Variants in CTNNA2 observed in about 807,000 individuals in gnomAD.
CTNNA2 encodes the protein catenin alpha 2, also known as catenin alpha-2.
Under a neutral mutation model 101.0 loss-of-function variants are expected in CTNNA2, and 42 were observed. The ratio of observed to expected loss-of-function variants is 0.42; its 90% CI spans 0.32 to 0.54. CTNNA2 has a LOEUF of 0.54. CTNNA2 is among the 20% of genes least tolerant of loss of function. CTNNA2 has a pLI of 0.14. For synonymous variants in CTNNA2, 450 were observed against 456.4 expected (o/e 0.99, Z 0.18); for missense variants, 871 against 1,223.1 (o/e 0.71, Z 4.29).
intron 7 of CTNNA2, among the ~76,000 whole-genome samples, chr2:79,953,339 G>T (rs568683826): frequency 6.6e-6 from 1 of 152,154 alleles, no homozygotes; most frequent in Non-Finnish European, 1.5e-5. Flanking sequence ...ACCGGTCTTT[G>T]CACAGTTCCA....
upstream of CTNNA2, among the ~76,000 whole-genome samples, chr2:79,511,107 A>T (rs887899931): frequency 5.9e-5 from 9 of 152,214 alleles, no homozygotes; most frequent in African/African-American, 2.2e-4. Flanking sequence ...TCATTTTTTT[A>T]AAAAGTCAAT....
chr2:79,993,997 A>G (rs951673967), intron 7 of CTNNA2, among the ~76,000 whole-genome samples: 1 of 152,104 alleles, frequency 6.6e-6, no homozygotes, highest in Non-Finnish European at 1.5e-5. Flanking sequence ...TCAACCTCCT[A>G]GACTGAAACG....
At chr2:79,712,975 C>A (rs1461914181) in intron 2 of CTNNA2, among the ~76,000 whole-genome samples, 1 of 152,138 alleles carries the variant, frequency 6.6e-6, no homozygotes, top group Admixed American at 6.6e-5. Context: ...AGATGCCTAG[C>A]AATATTCATC....
At chr2:79,921,146 A>G (rs1211552600) in intron 7 of CTNNA2, among the ~76,000 whole-genome samples, 2 of 152,204 alleles carry the variant, frequency 1.3e-5, no homozygotes, top group Non-Finnish European at 2.9e-5. Context: ...CCCCACCTAC[A>G]GAATAACAGT....
At chr2:79,364,398 C>T (rs1677698944) in intron 3 of CTNNA2, among the ~76,000 whole-genome samples, 1 of 152,182 alleles carries the variant, frequency 6.6e-6, no homozygotes, top group African/African-American at 2.4e-5. Flanking sequence ...CAGTCTTATA[C>T]TTAGGAGATC....
intron 4 of CTNNA2, among the ~76,000 whole-genome samples, chr2:79,413,355 G>C (rs1407662499): frequency 2.0e-5 from 3 of 151,530 alleles, no homozygotes; most frequent in Non-Finnish European, 2.9e-5. Flanking sequence ...ATGTCCTCTA[G>C]CTTCATTCTT....
chr2:79,193,281 T>C (rs750519354), intron 1 of CTNNA2, among the ~76,000 whole-genome samples: 1 of 152,202 alleles, frequency 6.6e-6, no homozygotes, highest in Non-Finnish European at 1.5e-5. Context: ...TGCCTCATAA[T>C]GTTTTGGTCA....
intron 3 of CTNNA2, among the ~76,000 whole-genome samples, chr2:79,359,177 A>G (rs1021080600): frequency 6.6e-5 from 10 of 152,206 alleles, no homozygotes; most frequent in Non-Finnish European, 8.8e-5. Context: ...CTAACTGTGG[A>G]TGCCTGGTTT....
At chr2:79,211,020 T>C (rs1162710466) in intron 2 of CTNNA2, among the ~76,000 whole-genome samples, 1 of 152,156 alleles carries the variant, frequency 6.6e-6, no homozygotes, top group African/African-American at 2.4e-5. Context: ...CCTGTCTACC[T>C]GAAACTTCCC....
At chr2:80,306,506 G>C (rs1266954778) in intron 7 of CTNNA2, among the ~76,000 whole-genome samples, 1 of 144,832 alleles carries the variant, frequency 6.9e-6, no homozygotes, top group African/African-American at 2.6e-5. Flanking sequence ...TTGCCTCTCT[G>C]TCACTCTTGC....
At chr2:79,443,097 C>T (rs1199128085) in intron 4 of CTNNA2, among the ~76,000 whole-genome samples, 4 of 152,084 alleles carry the variant, frequency 2.6e-5, no homozygotes, top group Non-Finnish European at 5.9e-5. Context: ...GCATAATAAT[C>T]ACAATTCTCC....
At chr2:79,984,424 C>G (rs1053684181) in intron 7 of CTNNA2, among the ~76,000 whole-genome samples, 4 of 152,188 alleles carry the variant, frequency 2.6e-5, no homozygotes, top group Non-Finnish European at 4.4e-5. Flanking sequence ...GCTCATTTAT[C>G]ATGCTGGTCT....
chr2:80,324,574 G>A (rs780137616), intron 7 of CTNNA2, among the ~76,000 whole-genome samples: 6 of 152,186 alleles, frequency 3.9e-5, no homozygotes, highest in Non-Finnish European at 8.8e-5. Context: ...ATGTTTAAAA[G>A]GTGAGATGTT....
At chr2:80,297,591 G>A (rs758007171) in intron 7 of CTNNA2, among the ~76,000 whole-genome samples, 1 of 152,142 alleles carries the variant, frequency 6.6e-6, no homozygotes, top group Non-Finnish European at 1.5e-5. Context: ...CCAGGAGATG[G>A]TGCCCAATCA....
chr2:79,321,604 C>G (rs10201503), intron 3 of CTNNA2, among the ~76,000 whole-genome samples: 10,969 of 152,126 alleles, frequency 0.072, 480 homozygotes, highest in African/African-American at 0.11. Flanking sequence ...TATGATGTAC[C>G]ATTTAATTTT....
At chr2:79,670,644 A>G (rs762079850) in intron 2 of CTNNA2, among the ~76,000 whole-genome samples, 4 of 152,186 alleles carry the variant, frequency 2.6e-5, no homozygotes, top group African/African-American at 7.2e-5. Flanking sequence ...ATTTTCTTCT[A>G]TATCTCCATA....
At chr2:80,082,567 C>T (rs1184874604) in intron 7 of CTNNA2, among the ~76,000 whole-genome samples, 1 of 151,982 alleles carries the variant, frequency 6.6e-6, no homozygotes, top group East Asian at 1.9e-4. Context: ...CGGTGGGTGA[C>T]TTCTGGATAA....
intron 7 of CTNNA2, among the ~76,000 whole-genome samples, chr2:80,079,089 G>A (rs899156522): frequency 3.3e-5 from 5 of 152,122 alleles, no homozygotes; most frequent in Non-Finnish European, 7.3e-5. Context: ...TGTCTGGGAC[G>A]CTGTGAGATG....
chr2:79,560,811 G>A (rs897145402), intron 1 of CTNNA2, among the ~76,000 whole-genome samples: 1 of 151,870 alleles, frequency 6.6e-6, no homozygotes, highest in African/African-American at 2.4e-5. Context: ...ATCAGCTATT[G>A]ACTCAACCTC....
Sources: allele counts gnomAD v4.1 joint callset (sites outside exome capture counted in the v4.1 genomes callset), GRCh38; gene constraint gnomAD v4.1.1; transcripts MANE v1.5; gene names NCBI Gene and HGNC (gene_info 2026-07-23, HGNC 2026-07-21).